The following MAN1A1 variants were observed in gnomAD, a reference collection of about 807,000 sequenced individuals.
The protein encoded by MAN1A1 is mannosyl-oligosaccharide 1,2-alpha-mannosidase IA.
In MAN1A1, 29 loss-of-function variants were observed where a neutral mutation model predicts 70.8. The observed-to-expected ratio is 0.41, with a 90% confidence interval of 0.31 to 0.56. MAN1A1 has a LOEUF of 0.56. Among genes scored for constraint, MAN1A1 ranks in the 20% least tolerant of loss-of-function variants. The probability of loss-of-function intolerance (pLI) is 0.29; values close to 1 mark genes in which losing one functional copy is unlikely to be tolerated. For synonymous variants in MAN1A1, 349 were observed against 330.1 expected (o/e 1.06, Z -0.62); for missense variants, 747 against 841.3 (o/e 0.89, Z 1.39).
intron 6 of MAN1A1, among the ~76,000 whole-genome samples, chr6:119,220,427 C>G (rs1774327668): frequency 6.6e-6 from 1 of 151,918 alleles, no homozygotes; most frequent in African/African-American, 2.4e-5. Context: ...TTTAAGTTTC[C>G]TTCTCTTTAG....
rs751876783 is a variant in MAN1A1, at chr6:119,348,745, C to T, written c.321G>A (p.Glu107=). 1.3e-6 allele frequency: 2 copies of T among 1,564,268 alleles called. No homozygotes were observed. Residue 107 remains glutamate (E), a synonymous_variant, in exon 2 of 13, where the codon GAG becomes GAA. Transcript: ENST00000368468. ...AAEGRARRRE[E]GAPGDPEAAL... ...CGGCCTCCGGGTCCCCGGGTGCCCC[C>T]TCCTCGCGGCGCCGGGCTCGCCCCT... is the stretch of plus-strand genomic sequence containing the variant.
chr6:119,210,427 T>TA (rs148100742), intron 6 of MAN1A1, among the ~76,000 whole-genome samples: 10 of 151,552 alleles, frequency 6.6e-5, no homozygotes, highest in Non-Finnish European at 1.5e-4. Flanking sequence ...ATACACCACT[T>TA]AAAAAAAAAT....
intron 6 of MAN1A1, among the ~76,000 whole-genome samples, chr6:119,214,420 T>C (rs956674110): frequency 2.6e-5 from 4 of 152,204 alleles, no homozygotes; most frequent in African/African-American, 7.2e-5. Context: ...AGAAGAAATA[T>C]TCAAAATATG....
chr6:119,207,862 G>C (rs1450327898), intron 6 of MAN1A1, among the ~76,000 whole-genome samples: 1 of 152,122 alleles, frequency 6.6e-6, no homozygotes, highest in African/African-American at 2.4e-5. Flanking sequence ...GGTTACCAAA[G>C]GTGAGGCTGG....
intron 5 of MAN1A1, among the ~76,000 whole-genome samples, chr6:119,253,677 T>C (rs894934177): frequency 6.6e-6 from 1 of 152,200 alleles, no homozygotes; most frequent in Non-Finnish European, 1.5e-5. Flanking sequence ...GGTTCCTATT[T>C]GATTAATAAA....
At chr6:119,243,289 A>G (rs1028576521) in intron 6 of MAN1A1, among the ~76,000 whole-genome samples, 5 of 152,062 alleles carry the variant, frequency 3.3e-5, no homozygotes, top group African/African-American at 1.2e-4. Flanking sequence ...TTTCTATTAT[A>G]TTAAAGTATG....
At chr6:119,191,036 T>C (rs957118812) in intron 9 of MAN1A1, among the ~76,000 whole-genome samples, 12 of 152,060 alleles carry the variant, frequency 7.9e-5, no homozygotes, top group African/African-American at 2.7e-4. Flanking sequence ...TGAATGAAAA[T>C]GAACACACAG....
chr6:119,301,193 T>C (rs6934431), intron 4 of MAN1A1, among the ~76,000 whole-genome samples: 57,478 of 152,088 alleles, frequency 0.38, 11,343 homozygotes, highest in Non-Finnish European at 0.41. Context: ...GAAATAATAC[T>C]GATAACACAC....
chr6:119,315,571 T>C (rs896002440), intron 2 of MAN1A1, among the ~76,000 whole-genome samples: 1 of 152,208 alleles, frequency 6.6e-6, no homozygotes, highest in Non-Finnish European at 1.5e-5. Flanking sequence ...ACTCTTGTGC[T>C]GTTACCAAAT....
chr6:119,221,692 A>T (rs546508870), intron 6 of MAN1A1, among the ~76,000 whole-genome samples: 1 of 152,058 alleles, frequency 6.6e-6, no homozygotes, highest in Admixed American at 6.5e-5. Flanking sequence ...ACCTCAAGTA[A>T]TCTACCCACC....
In MAN1A1 at chr6:119,188,422, C is replaced by T. The variant is rs1773350323; in HGVS notation, c.1702G>A (p.Ala568Thr). The T allele has an allele frequency of 6.2e-7, 1 of 1,608,418 alleles. No homozygotes were observed. Among genetic ancestry groups the T allele is most frequent in the South Asian group, 1.1e-5 (1 of 89,308 alleles). The change falls in exon 11 of 13, where the codon GCC becomes ACC. Residue 568 changes from alanine (A) to threonine (T), a missense_variant. This residue lies in a region of MAN1A1 where 419 missense variants were observed against 548.2 expected (regional missense o/e 0.76). Transcript: ENST00000368468. ...LTHDPKYRKW[A>T]WEAVEALENH... Reference sequence around the variant, plus strand: ...AACATCACCTCTACGGCTTCCCAGGCCCATTTCCTGTACTTTGGATCATGA... The same window carrying T: ...AACATCACCTCTACGGCTTCCCAGGTCCATTTCCTGTACTTTGGATCATGA...
At chr6:119,305,162 C>T (rs889942970) in intron 3 of MAN1A1, among the ~76,000 whole-genome samples, 8 of 151,762 alleles carry the variant, frequency 5.3e-5, no homozygotes, top group South Asian at 2.1e-4. Flanking sequence ...TGTTTTTTAC[C>T]GAAAAAGCCA....
chr6:119,278,087 A>G (rs1265865650), intron 5 of MAN1A1, among the ~76,000 whole-genome samples: 1 of 152,068 alleles, frequency 6.6e-6, no homozygotes, highest in East Asian at 1.9e-4. Context: ...TCAAGGATGC[A>G]GTGAACTATG....
At chr6:119,223,142 G>T (rs1774412442) in intron 6 of MAN1A1, among the ~76,000 whole-genome samples, 1 of 151,952 alleles carries the variant, frequency 6.6e-6, no homozygotes, top group African/African-American at 2.4e-5. Flanking sequence ...AACAAAATTA[G>T]TTCCCTATAG....
At chr6:119,336,017 T>C (rs1040907831) in intron 2 of MAN1A1, among the ~76,000 whole-genome samples, 1 of 152,158 alleles carries the variant, frequency 6.6e-6, no homozygotes, top group South Asian at 2.1e-4. Context: ...AAATGCAAAT[T>C]CTGGGGCCCA....
chr6:119,349,224 G>T lies in MAN1A1; in HGVS notation c.-159C>A, dbSNP rs975865563. The T allele has an allele frequency of 8.2e-7, 1 of 1,214,082 alleles. No individual in the cohort carries two copies. Among genetic ancestry groups the T allele is most frequent in the Non-Finnish European group, 1.0e-6 (1 of 977,086 alleles). 75.2% of individuals were successfully genotyped at this position (1,214,082 alleles called of 1,614,324 possible). The stretch of plus-strand genomic sequence containing the variant: ...CCCTGGGGGAACAACTCCGCGCCGG[G>T]TCTTCTCCCCGGGGCGGCTCCTCGG... On this transcript the variant is annotated 5_prime_UTR_variant, in exon 2 of 13. Transcript: ENST00000368468.
At chr6:119,276,419 TA>T (rs1396930599) in intron 5 of MAN1A1, among the ~76,000 whole-genome samples, 6 of 152,212 alleles carry the variant, frequency 3.9e-5, no homozygotes, top group African/African-American at 1.4e-4. Flanking sequence ...AACAGATGCT[TA>T]ACACATTTGC....
At chr6:119,280,213 A>G (rs895509987) in intron 5 of MAN1A1, among the ~76,000 whole-genome samples, 5 of 152,176 alleles carry the variant, frequency 3.3e-5, no homozygotes, top group African/African-American at 1.2e-4. Context: ...CAGGCCTATC[A>G]ATATCTTATC....
At chr6:119,290,543 C>T (rs9489670) in intron 5 of MAN1A1, 140 bp downstream of exon 5, 221,583 of 592,852 alleles carry the variant, frequency 0.37, 43,912 homozygotes, top group Non-Finnish European at 0.41. Flanking sequence ...TTGTAAGAAA[C>T]TCAGTGTAAG....
Sources: allele counts gnomAD v4.1 joint callset (sites outside exome capture counted in the v4.1 genomes callset), GRCh38; gene constraint gnomAD v4.1.1; regional missense constraint gnomAD v4.1.1; transcripts MANE v1.5; gene names NCBI Gene and HGNC (gene_info 2026-07-23, HGNC 2026-07-21).